WDR27: variants seen among roughly 807,000 people sequenced by gnomAD.
WDR27 encodes WD repeat-containing protein 27.
Under a neutral mutation model 114.4 loss-of-function variants are expected in WDR27, and 100 were observed. The observed-to-expected ratio is 0.87, with a 90% CI of 0.74 to 1.03. The LOEUF (loss-of-function observed/expected upper bound fraction) is 1.03, where lower values mean the gene tolerates loss of function less well. WDR27 is among the 50% of genes least tolerant of loss of function. The probability of loss-of-function intolerance (pLI) is 0.00; values close to 1 mark genes in which losing one functional copy is unlikely to be tolerated. For missense variants in WDR27, 1,129 were observed against 1,092.9 expected (o/e 1.03, Z -0.47); for synonymous variants, 449 against 423.1 (o/e 1.06, Z -0.75).
rs530862583 is a variant in WDR27 at position 169,495,821 on chromosome 6, T to C, written c.2646-38187A>G. ...AAAAGCCCTGAATCTGATGACTTCA[T>C]TGGTGAGTTCTGCCAAAAATTTAAA... On this transcript the variant is annotated intron_variant, in intron 25 of 25. Coordinates refer to ENST00000448612, the MANE Select transcript of WDR27 (RefSeq NM_182552.5). 2.0e-5 allele frequency among the ~76,000 whole-genome samples: 3 copies of C among 152,202 alleles called. No individual in the cohort carries two copies. The South Asian group carries it at 6.2e-4, about 32-fold the overall frequency.
chr6:169,430,116 C>T, the WDR27 span, among the ~76,000 whole-genome samples: 11 of 152,162 alleles, frequency 7.2e-5, no homozygotes, highest in African/African-American at 1.4e-4. Context: ...TAGAAGTTGG[C>T]CCTAAGAGTG....
At chr6:169,535,831 A>ACAAGAGC (rs1175237213) in intron 25 of WDR27, among the ~76,000 whole-genome samples, 4 of 152,202 alleles carry the variant, frequency 2.6e-5, no homozygotes, top group African/African-American at 9.7e-5. Flanking sequence ...ACTGTAAATG[A>ACAAGAGC]TAAACAAGAG....
At chr6:169,525,498 T>C (rs1050768263) in intron 25 of WDR27, among the ~76,000 whole-genome samples, 3 of 143,160 alleles carry the variant, frequency 2.1e-5, no homozygotes, top group Non-Finnish European at 3.0e-5. Flanking sequence ...CTTGGGCCAC[T>C]GTACTCCAGC....
intron 1 of WDR27, among the ~76,000 whole-genome samples, chr6:169,696,020 T>C (rs368571510): frequency 6.6e-6 from 1 of 152,186 alleles, no homozygotes; most frequent in African/African-American, 2.4e-5. Context: ...ACCCTGATTT[T>C]AGCAGTTTGA....
intron 14 of WDR27, among the ~76,000 whole-genome samples, chr6:169,651,212 T>G (rs1434271788): frequency 0.013 from 835 of 63,280 alleles, no homozygotes; most frequent in Middle Eastern, 0.023. Flanking sequence ...AGTGGGGGAG[T>G]GGCCAGGGGC....
intron 25 of WDR27, among the ~76,000 whole-genome samples, chr6:169,477,777 G>C (rs1185112906): frequency 6.6e-6 from 1 of 152,046 alleles, no homozygotes; most frequent in Non-Finnish European, 1.5e-5. Context: ...AATAATACAT[G>C]ACCTAGAAAT....
At chr6:169,515,434 G>T (rs945101987) in intron 25 of WDR27, among the ~76,000 whole-genome samples, 4 of 152,156 alleles carry the variant, frequency 2.6e-5, no homozygotes, top group East Asian at 1.9e-4. Flanking sequence ...TTAGGGAAAT[G>T]GATACAGATC....
chr6:169,512,299 A>C (rs1245216509), intron 25 of WDR27, among the ~76,000 whole-genome samples: 1 of 152,168 alleles, frequency 6.6e-6, no homozygotes, highest in East Asian at 1.9e-4. Flanking sequence ...CTTTTCAAAA[A>C]TCCAATACTT....
intron 25 of WDR27, among the ~76,000 whole-genome samples, chr6:169,533,153 G>A (rs1207688091): frequency 2.0e-5 from 3 of 152,242 alleles, no homozygotes; most frequent in South Asian, 2.1e-4. Context: ...AGAGCTTCAA[G>A]GGAAGATGAG....
intron 24 of WDR27, among the ~76,000 whole-genome samples, chr6:169,577,095 AAAAG>A (rs1312529140): frequency 2.6e-5 from 4 of 151,860 alleles, no homozygotes; most frequent in African/African-American, 7.3e-5. Flanking sequence ...GGAAAAAAAA[AAAAG>A]AGTTACGTGG....
chr6:169,494,677 C>A (rs1401575249), intron 25 of WDR27, among the ~76,000 whole-genome samples: 1 of 152,174 alleles, frequency 6.6e-6, no homozygotes, highest in Non-Finnish European at 1.5e-5. Flanking sequence ...AAGGTTGCAG[C>A]CTGCTGGCCA....
At chr6:169,430,770 T>A in the WDR27 span, among the ~76,000 whole-genome samples, 3 of 152,288 alleles carry the variant, frequency 2.0e-5, no homozygotes, top group Non-Finnish European at 2.9e-5. Flanking sequence ...GAAACGTAAA[T>A]GAATCTTTTC....
chr6:169,628,472 C>T lies in WDR27; in HGVS notation c.2223+4475G>A, dbSNP rs982447016. On this transcript the variant is annotated intron_variant, in intron 21 of 25. Transcript: ENST00000448612. ...GTCACAGGGAGACCAGGACACCACA[C>T]GGCTTTCAGTGCAAACTTGCTGACC... is the stretch of plus-strand genomic sequence containing the variant. 1.6e-4 allele frequency among the ~76,000 whole-genome samples: 25 copies of T among 152,164 alleles called. 1 individual carries two copies. The highest frequency in any genetic ancestry group is 1.4e-3 in the Admixed American group (22 of 15,274).
chr6:169,621,377 TA>T (rs1813147917), intron 21 of WDR27, among the ~76,000 whole-genome samples: 2 of 150,166 alleles, frequency 1.3e-5, no homozygotes, highest in South Asian at 4.2e-4. Flanking sequence ...TGCATGCATG[TA>T]GACATACGCA....
chr6:169,672,791 C>A (rs1463239312), intron 2 of WDR27, among the ~76,000 whole-genome samples: 8 of 152,156 alleles, frequency 5.3e-5, no homozygotes, highest in Admixed American at 2.0e-4. Flanking sequence ...TAAGAAACGG[C>A]TGGGACAAGC....
chr6:169,541,143 A>AG (rs1796791950), intron 25 of WDR27, among the ~76,000 whole-genome samples: 1 of 150,874 alleles, frequency 6.6e-6, no homozygotes, highest in East Asian at 2.0e-4. Flanking sequence ...AAAAAAAAAA[A>AG]CCCTAAAATA....
intron 22 of WDR27, among the ~76,000 whole-genome samples, chr6:169,603,061 C>G (rs1344531359): frequency 6.6e-6 from 1 of 151,912 alleles, no homozygotes; most frequent in Non-Finnish European, 1.5e-5. Context: ...AAGCTGGTCT[C>G]GAACTCCTGA....
intron 25 of WDR27, among the ~76,000 whole-genome samples, chr6:169,542,421 A>G (rs1796945090): frequency 6.6e-6 from 1 of 152,280 alleles, no homozygotes; most frequent in Admixed American, 6.5e-5. Flanking sequence ...ATATCAAAAA[A>G]GTCAAATGAG....
chr6:169,610,245 C>T (rs1044073250), intron 22 of WDR27, among the ~76,000 whole-genome samples: 5 of 152,208 alleles, frequency 3.3e-5, no homozygotes, highest in Admixed American at 3.3e-4. Context: ...GATATCTTCT[C>T]AGCAGCACCC....
Sources: allele counts gnomAD v4.1 joint callset (sites outside exome capture counted in the v4.1 genomes callset), GRCh38; gene constraint gnomAD v4.1.1; transcripts MANE v1.5; gene names NCBI Gene and HGNC (gene_info 2026-07-23, HGNC 2026-07-21).